The following LHPP variants were observed in gnomAD, a reference collection of about 807,000 sequenced individuals.
The protein encoded by LHPP is hLHPP.
In LHPP, 24 loss-of-function variants were observed where a neutral mutation model predicts 30.3. The ratio of observed to expected loss-of-function variants is 0.79; its 90% CI spans 0.57 to 1.11. The LOEUF is 1.11. Among genes scored for constraint, LHPP ranks in the 50% most tolerant of loss-of-function variants. LHPP has a pLI of 0.00. For synonymous variants in LHPP, 150 were observed against 157.1 expected, an observed-to-expected ratio of 0.95 and a Z score of 0.34; for missense variants, 356 against 367.2, an observed-to-expected ratio of 0.97 and a Z score of 0.25.
At chr10:124,526,494 A>G (rs567457189) in intron 6 of LHPP, among the ~76,000 whole-genome samples, 3 of 152,310 alleles carry the variant, frequency 2.0e-5, no homozygotes, top group Admixed American at 2.0e-4. Flanking sequence ...GCCCCTGAAC[A>G]TTCTCAAGCC....
chr10:124,519,634 T>C (rs1010971758), intron 6 of LHPP, among the ~76,000 whole-genome samples: 9 of 152,160 alleles, frequency 5.9e-5, no homozygotes, highest in African/African-American at 2.2e-4. Context: ...TGTATTATTT[T>C]TATGCCTTTG....
intron 6 of LHPP, among the ~76,000 whole-genome samples, chr10:124,597,545 G>A (rs1948962576): frequency 1.3e-5 from 2 of 152,228 alleles, no homozygotes; most frequent in Middle Eastern, 3.2e-3. Context: ...TGACTCCAGC[G>A]CCCCTAGGAC....
At chr10:124,470,473 C>G (rs576109400) in intron 1 of LHPP, among the ~76,000 whole-genome samples, 1 of 152,024 alleles carries the variant, frequency 6.6e-6, no homozygotes, top group African/African-American at 2.4e-5. Context: ...TGGGTGCCTT[C>G]GGGATCCTGA....
At position 124,541,107 on chromosome 10, in the gene LHPP, CGG is replaced by C. The variant is rs1955174991; in HGVS notation, c.716+23837_716+23838del. On this transcript the variant is annotated intron_variant, in intron 6 of 6. Transcript: ENST00000368842. The surrounding 1 kb of genome is among the most constrained non-coding windows in gnomAD (Gnocchi z 4.2). ...AAGTGGCCCTGGGCCCTGGGATGGC[CGG>C]AGGAGAGCCTGCCATACCCACGCAG... Among the ~76,000 whole-genome samples, 7 of 152,124 alleles carry C rather than the reference CGG, an allele frequency of 4.6e-5. No individual in the cohort carries two copies. Among genetic ancestry groups the C allele is most frequent in the Non-Finnish European group, 8.8e-5 (6 of 68,020 alleles).
chr10:124,482,244 CCTCT>C (rs1181214192), intron 1 of LHPP, among the ~76,000 whole-genome samples: 1 of 152,176 alleles, frequency 6.6e-6, no homozygotes, highest in Admixed American at 6.5e-5. Context: ...GCACATGCCT[CCTCT>C]CTATGTGTGT....
chr10:124,584,698 C>A (rs1156476815), intron 6 of LHPP, among the ~76,000 whole-genome samples: 1 of 152,188 alleles, frequency 6.6e-6, no homozygotes, highest in East Asian at 1.9e-4. Context: ...GACATTCAGA[C>A]CGTAGCAGGG....
At chr10:124,503,821 A>G (rs1470744025) in intron 5 of LHPP, among the ~76,000 whole-genome samples, 3 of 149,796 alleles carry the variant, frequency 2.0e-5, no homozygotes, top group Non-Finnish European at 4.4e-5. Context: ...TGAATTTAAG[A>G]GACAAATTCT....
At chr10:124,581,487 A>G (rs4962390) in intron 6 of LHPP, among the ~76,000 whole-genome samples, 41,038 of 152,142 alleles carry the variant, frequency 0.27, 5,680 homozygotes, top group East Asian at 0.36. Context: ...ACTATTCAAA[A>G]GCAGCTGCAC....
At chr10:124,604,888 C>G (rs1313719337) in intron 6 of LHPP, among the ~76,000 whole-genome samples, 2 of 152,242 alleles carry the variant, frequency 1.3e-5, no homozygotes, top group Non-Finnish European at 2.9e-5. Context: ...CCACCCTGCC[C>G]CTTCCCCTGC....
intron 6 of LHPP, among the ~76,000 whole-genome samples, chr10:124,532,146 C>T (rs779163037): frequency 1.3e-5 from 2 of 152,238 alleles, no homozygotes. Flanking sequence ...TTCTTTGAGC[C>T]CTTCCTTGCA....
intron 6 of LHPP, among the ~76,000 whole-genome samples, chr10:124,535,827 A>G (rs1955009863): frequency 6.6e-6 from 1 of 152,256 alleles, no homozygotes; most frequent in Non-Finnish European, 1.5e-5. Flanking sequence ...GCTCAGTGCC[A>G]CAGGGCTGCA....
At chr10:124,558,724 C>T (rs1004358692) in intron 6 of LHPP, among the ~76,000 whole-genome samples, 3 of 152,186 alleles carry the variant, frequency 2.0e-5, no homozygotes, top group Admixed American at 6.5e-5. Flanking sequence ...CTTGGAGTCC[C>T]CATTTCCATG....
At position 124,613,759 on chromosome 10, in the gene LHPP, ATGCCCAC is replaced by A; in HGVS notation, c.*404_*410del. On this transcript the variant is annotated 3_prime_UTR_variant, in exon 7 of 7. Transcript: ENST00000368842. Reference sequence around the variant, plus strand: ...CCACCTAACCAGATTCAGGGGCACTATGCCCACTGCCTCCTCTTCAGACTCTTTGCAT... The same window carrying A: ...CCACCTAACCAGATTCAGGGGCACTATGCCTCCTCTTCAGACTCTTTGCAT... 4.0e-6 allele frequency: 1 copy of A among 249,362 alleles called. No individual in the cohort carries two copies. The highest frequency in any genetic ancestry group is 7.9e-6 in the Non-Finnish European group (1 of 126,758). 15.4% of individuals were successfully genotyped at this position (249,362 alleles called of 1,614,324 possible). A position where few individuals can be genotyped will look rare whatever the true frequency, so the allele number is the denominator to read the frequency against.
rs1170457686 is a variant in LHPP, at chr10:124,576,380, AC to A, written c.717-36878del. The stretch of plus-strand genomic sequence containing the variant: ...CCCCACTTCAGGGGTTGCCCCCAGG[AC>A]CCCCCTTGCGGTACCCGTATATCCC... On this transcript the variant is annotated intron_variant, in intron 6 of 6. Transcript: ENST00000368842. The surrounding 1 kb of genome is among the most constrained non-coding windows in gnomAD (Gnocchi z 4.2). Among the ~76,000 whole-genome samples the A allele has an allele frequency of 1.3e-5, 2 of 148,630 alleles. No homozygotes were observed. Among genetic ancestry groups the A allele is most frequent in the African/African-American group, 2.5e-5 (1 of 40,254 alleles).
At chr10:124,475,552 A>G (rs1952918366) in intron 1 of LHPP, among the ~76,000 whole-genome samples, 1 of 152,114 alleles carries the variant, frequency 6.6e-6, no homozygotes. Context: ...AAAATAAAAT[A>G]AAATAAAAAA....
At chr10:124,526,259 A>G (rs372923280) in intron 6 of LHPP, 6 of 984,178 alleles carry the variant, frequency 6.1e-6, no homozygotes, top group East Asian at 1.1e-4. Context: ...AAGGGGGATA[A>G]CGCAGGTATG....
chr10:124,588,610 C>T (rs1948834892), intron 6 of LHPP, among the ~76,000 whole-genome samples: 1 of 152,172 alleles, frequency 6.6e-6, no homozygotes, highest in Non-Finnish European at 1.5e-5. Context: ...CAAGTTTTTA[C>T]AGATGTCTGC....
chr10:124,612,709 GC>G (rs1949217822), intron 6 of LHPP: 2 of 154,636 alleles, frequency 1.3e-5, no homozygotes, highest in African/African-American at 2.4e-5. Context: ...TTATCCAGGA[GC>G]CCGGTGCCTC....
chr10:124,584,708 G>C (rs530180717), intron 6 of LHPP, among the ~76,000 whole-genome samples: 30 of 152,318 alleles, frequency 2.0e-4, no homozygotes, highest in African/African-American at 6.5e-4. Context: ...CCGTAGCAGG[G>C]AGCGTTGCCA....
Sources: allele counts gnomAD v4.1 joint callset (sites outside exome capture counted in the v4.1 genomes callset), GRCh38; gene constraint gnomAD v4.1.1; non-coding constraint Gnocchi (gnomAD v3.1); transcripts MANE v1.5; gene names NCBI Gene and HGNC (gene_info 2026-07-23, HGNC 2026-07-21).